MAML3: variants seen among roughly 807,000 people sequenced by gnomAD.
MAML3 encodes the protein mastermind-like protein 3.
Under a neutral mutation model 101.9 loss-of-function variants are expected in MAML3, and 27 were observed. The ratio of observed to expected loss-of-function variants is 0.27; its 90% CI spans 0.20 to 0.37. MAML3 has a LOEUF of 0.37. MAML3 is among the 10% of genes least tolerant of loss of function. The pLI, the probability that MAML3 is intolerant of heterozygous loss-of-function variation, is 1.00. For missense variants in MAML3, 1,316 were observed against 1,444.9 expected, an observed-to-expected ratio of 0.91 and a Z score of 1.45; for synonymous variants, 501 against 555.9, an observed-to-expected ratio of 0.90 and a Z score of 1.39.
chr4:140,058,863 T>C (rs1022989421), intron 1 of MAML3, among the ~76,000 whole-genome samples: 1 of 152,066 alleles, frequency 6.6e-6, no homozygotes, highest in Admixed American at 6.6e-5. Context: ...GAACAGAGAA[T>C]AAAGGAAGAA....
In MAML3 at chr4:139,735,460, G is replaced by A; in HGVS notation, c.2080-4793C>T. On this transcript the variant is annotated intron_variant, in intron 2 of 4. Coordinates refer to ENST00000509479, the MANE Select transcript of MAML3 (RefSeq NM_018717.5). The surrounding 1 kb of genome is among the most constrained non-coding windows in gnomAD (Gnocchi z 5.8). The stretch of plus-strand genomic sequence containing the variant: ...GCTGGGAGTGGGGTAGGGGGGCAGT[G>A]GCGACCTCCGGGGGGGGAGGGTGGC... 6.6e-6 allele frequency among the ~76,000 whole-genome samples: 1 copy of A among 151,444 alleles called. No homozygotes were observed. Among genetic ancestry groups the A allele is most frequent in the Non-Finnish European group, 1.5e-5 (1 of 67,768 alleles).
intron 2 of MAML3, among the ~76,000 whole-genome samples, chr4:139,768,222 TTG>T (rs34182828): frequency 0.077 from 10,522 of 136,224 alleles, 487 homozygotes; most frequent in African/African-American, 0.14. Context: ...CTGTTGATAG[TTG>T]TGTGTGTGTG....
At chr4:140,066,610 G>C (rs1169890252) in intron 1 of MAML3, among the ~76,000 whole-genome samples, 1 of 152,080 alleles carries the variant, frequency 6.6e-6, no homozygotes, top group African/African-American at 2.4e-5. Flanking sequence ...AGAATACAAG[G>C]ATATCCACAA....
At chr4:139,970,337 T>C (rs1341637458) in intron 1 of MAML3, among the ~76,000 whole-genome samples, 1 of 152,138 alleles carries the variant, frequency 6.6e-6, no homozygotes, top group Non-Finnish European at 1.5e-5. Flanking sequence ...TAGGAAATGC[T>C]TGGCAGCACA....
At chr4:139,849,658 A>G in intron 2 of MAML3, among the ~76,000 whole-genome samples, 1 of 152,234 alleles carries the variant, frequency 6.6e-6, no homozygotes, top group South Asian at 2.1e-4. Context: ...CACTGTAACA[A>G]TATTGCACGT....
Position 139,890,174 on chromosome 4 carries a change from G to A in MAML3, c.1262C>T (p.Pro421Leu). 6.2e-7 allele frequency: 1 copy of A among 1,613,432 alleles called. No homozygotes were observed. The highest frequency in any genetic ancestry group is 8.5e-7 in the Non-Finnish European group (1 of 1,179,878). Residue 421 changes from proline (P) to leucine (L), a missense_variant, in exon 2 of 5, where the codon CCA becomes CTA. Transcript: ENST00000509479. This position sits in a 1 kb window ranked among gnomAD's most constrained non-coding sequence, Gnocchi z 4.1. Reference sequence around the variant, plus strand: ...TTGGCCTGGAGTGTGGGCTTGGTTTGGAGTTTGAGGGGACTGGACAGCACA... The same window carrying A: ...TTGGCCTGGAGTGTGGGCTTGGTTTAGAGTTTGAGGGGACTGGACAGCACA... ...ANCAVQSPQT[P>L]NQAHTPGQAP...
At chr4:139,799,285 AT>A (rs1262308604) in intron 2 of MAML3, among the ~76,000 whole-genome samples, 1 of 152,202 alleles carries the variant, frequency 6.6e-6, no homozygotes. Context: ...AACTGTTTCT[AT>A]TTGTTTGGGA....
At chr4:140,136,841 A>G (rs1263123181) in intron 1 of MAML3, among the ~76,000 whole-genome samples, 1 of 152,218 alleles carries the variant, frequency 6.6e-6, no homozygotes, top group Non-Finnish European at 1.5e-5. Flanking sequence ...CAATGATGCT[A>G]AGAAAGAGGT....
chr4:140,072,852 T>C (rs1182402787), intron 1 of MAML3, among the ~76,000 whole-genome samples: 2 of 151,862 alleles, frequency 1.3e-5, no homozygotes, highest in Non-Finnish European at 2.9e-5. Context: ...AAAAGGGAGG[T>C]AGAAGAGGAT....
intron 1 of MAML3, among the ~76,000 whole-genome samples, chr4:140,119,584 AT>A (rs35526106): frequency 1.8e-4 from 25 of 135,500 alleles, no homozygotes; most frequent in Admixed American, 2.9e-4. Flanking sequence ...GGGATACACA[AT>A]TTTTTCCCCC....
chr4:139,816,430 CGT>C (rs1730893432), intron 2 of MAML3, among the ~76,000 whole-genome samples: 1 of 152,126 alleles, frequency 6.6e-6, no homozygotes, highest in African/African-American at 2.4e-5. Flanking sequence ...GCCTGCAGAT[CGT>C]GAGCTTAGAG....
chr4:140,129,483 A>C (rs1235309218), intron 1 of MAML3, among the ~76,000 whole-genome samples: 1 of 152,196 alleles, frequency 6.6e-6, no homozygotes, highest in African/African-American at 2.4e-5. Context: ...TAGTTTTAAA[A>C]GGTAAAGCAG....
intron 1 of MAML3, among the ~76,000 whole-genome samples, chr4:140,007,454 T>C (rs991617992): frequency 6.6e-6 from 1 of 152,160 alleles, no homozygotes; most frequent in Non-Finnish European, 1.5e-5. Flanking sequence ...GAATGGAAGA[T>C]GAGGCGAAAG....
At chr4:140,134,852 C>T (rs966723933) in intron 1 of MAML3, among the ~76,000 whole-genome samples, 6 of 152,198 alleles carry the variant, frequency 3.9e-5, no homozygotes, top group Non-Finnish European at 8.8e-5. Context: ...AAAATATTCT[C>T]AGGCACGAAT....
At position 139,913,305 on chromosome 4, in the gene MAML3, C is replaced by T. The variant is rs556031841; in HGVS notation, c.469-22338G>A. On this transcript the variant is annotated intron_variant, in intron 1 of 4. Transcript: ENST00000509479. Reference sequence around the variant, plus strand: ...TCTGGAAGTTCTGGATTTTATTTCACCTAATTTGTCCCCTAATTTTTTTTT... The same window carrying T: ...TCTGGAAGTTCTGGATTTTATTTCATCTAATTTGTCCCCTAATTTTTTTTT... Among the ~76,000 whole-genome samples, 3 of 152,242 alleles carry T rather than the reference C, an allele frequency of 2.0e-5. No homozygotes were observed. In the South Asian group the frequency reaches 6.2e-4, roughly 32 times the overall value.
chr4:139,815,923 CTTGA>C (rs1345034082), intron 2 of MAML3, among the ~76,000 whole-genome samples: 7 of 152,102 alleles, frequency 4.6e-5, no homozygotes, highest in Non-Finnish European at 7.4e-5. Flanking sequence ...ACTTCTAACG[CTTGA>C]ACCCTTGTGC....
chr4:140,107,507 C>CTTTT (rs34219237), intron 1 of MAML3, among the ~76,000 whole-genome samples: 1 of 139,264 alleles, frequency 7.2e-6, no homozygotes, highest in African/African-American at 2.7e-5. Flanking sequence ...GAAAAAAATG[C>CTTTT]TTTTTTTTTT....
intron 1 of MAML3, among the ~76,000 whole-genome samples, chr4:139,983,136 G>A (rs11100409): frequency 0.56 from 84,926 of 151,986 alleles, 25,545 homozygotes; most frequent in East Asian, 0.9. Context: ...CACACATTAA[G>A]GTACATTCTT....
At chr4:139,951,885 T>A (rs1006909456) in intron 1 of MAML3, among the ~76,000 whole-genome samples, 7 of 152,064 alleles carry the variant, frequency 4.6e-5, no homozygotes, top group Non-Finnish European at 1.0e-4. Flanking sequence ...GCTATTAGGC[T>A]GCGTGCAGTG....
Sources: allele counts gnomAD v4.1 joint callset (sites outside exome capture counted in the v4.1 genomes callset), GRCh38; gene constraint gnomAD v4.1.1; non-coding constraint Gnocchi (gnomAD v3.1); transcripts MANE v1.5; gene names NCBI Gene and HGNC (gene_info 2026-07-23, HGNC 2026-07-21).